RAD51B: variants seen among roughly 807,000 people sequenced by gnomAD.
RAD51B encodes RAD51 paralog B, also known as DNA repair protein RAD51 homolog 2.
RAD51B carries 38 observed loss-of-function variants against 42.2 expected under a neutral mutation model. That is an observed-to-expected ratio of 0.90 (90% CI 0.70 to 1.18). RAD51B has a LOEUF of 1.18. Ranked by LOEUF, RAD51B falls within the 50% of genes most tolerant of loss-of-function variation. The pLI is 0.00. For missense variants in RAD51B, 373 were observed against 400.7 expected, an observed-to-expected ratio of 0.93 and a Z score of 0.59; for synonymous variants, 154 against 145.2, an observed-to-expected ratio of 1.06 and a Z score of -0.43.
At chr14:68,106,962 C>T (rs1460745235) in intron 7 of RAD51B, among the ~76,000 whole-genome samples, 1 of 151,818 alleles carries the variant, frequency 6.6e-6, no homozygotes, top group Admixed American at 6.6e-5. Context: ...GATGAGAAAA[C>T]TGAGGCTACA....
intron 9 of RAD51B, among the ~76,000 whole-genome samples, chr14:68,442,719 A>G (rs368480771): frequency 5.9e-4 from 89 of 152,068 alleles, no homozygotes; most frequent in African/African-American, 1.7e-3. Flanking sequence ...GATTACAGGC[A>G]TGAGCCACTA....
intron 8 of RAD51B, among the ~76,000 whole-genome samples, chr14:68,299,987 A>G (rs2081693189): frequency 6.6e-6 from 1 of 152,190 alleles, no homozygotes; most frequent in Non-Finnish European, 1.5e-5. Context: ...TTCAGCCATA[A>G]CAGTAAAGAA....
intron 7 of RAD51B, among the ~76,000 whole-genome samples, chr14:67,960,567 A>G (rs943672618): frequency 6.6e-6 from 1 of 152,244 alleles, no homozygotes; most frequent in Non-Finnish European, 1.5e-5. Context: ...CAGTGTATCT[A>G]GGATAAAATA....
rs193290237 is a variant in RAD51B, at chr14:67,885,860, C to A, written c.453-9C>A. ...CTGTTTTCGTTTGTGCTATTTTTTT[C>A]ACCCACAGACTGGTTGAAATAGCAG... On this transcript the variant is annotated splice_polypyrimidine_tract_variant and intron_variant, in intron 5 of 10. Transcript: ENST00000471583. 1.3e-6 allele frequency: 2 copies of A among 1,576,504 alleles called. No homozygotes were observed. Among genetic ancestry groups the A allele is most frequent in the South Asian group, 2.3e-5 (2 of 85,622 alleles).
chr14:68,083,205 G>C (rs992197302), intron 7 of RAD51B, among the ~76,000 whole-genome samples: 2 of 152,188 alleles, frequency 1.3e-5, no homozygotes, highest in African/African-American at 4.8e-5. Flanking sequence ...AGAGTGAGAG[G>C]AGTAGAGATT....
At chr14:68,419,843 C>T (rs533163192) in intron 9 of RAD51B, among the ~76,000 whole-genome samples, 1 of 152,298 alleles carries the variant, frequency 6.6e-6, no homozygotes, top group East Asian at 1.9e-4. Context: ...GGGCAGGCAG[C>T]AGCCTGTGTG....
chr14:68,619,655 G>T (rs751276684), intron 10 of RAD51B, among the ~76,000 whole-genome samples: 3 of 152,064 alleles, frequency 2.0e-5, no homozygotes, highest in Non-Finnish European at 4.4e-5. Flanking sequence ...TGAGCAGGAG[G>T]AGTCAAAGAG....
At chr14:68,310,195 C>T (rs1318008231) in intron 8 of RAD51B, among the ~76,000 whole-genome samples, 2 of 152,138 alleles carry the variant, frequency 1.3e-5, no homozygotes, top group Admixed American at 6.5e-5. Context: ...GCCCACCTCT[C>T]TCCTGTGTAA....
chr14:68,540,329 C>A, intron 10 of RAD51B: 1 of 1,050,062 alleles, frequency 9.5e-7, no homozygotes, highest in Non-Finnish European at 1.1e-6. Flanking sequence ...ATCATCAGAC[C>A]TCTTCTAGCT....
At chr14:68,350,818 A>T (rs1280448779) in intron 8 of RAD51B, among the ~76,000 whole-genome samples, 1 of 152,170 alleles carries the variant, frequency 6.6e-6, no homozygotes, top group African/African-American at 2.4e-5. Context: ...ACCATTTTAG[A>T]TAGTGGGATA....
At chr14:68,584,767 A>T (rs571018546) in intron 10 of RAD51B, among the ~76,000 whole-genome samples, 1 of 152,298 alleles carries the variant, frequency 6.6e-6, no homozygotes, top group South Asian at 2.1e-4. Flanking sequence ...CCCATGAATT[A>T]TGTTCATGTT....
intron 11 of RAD51B, among the ~76,000 whole-genome samples, chr14:68,666,283 T>C (rs1466212483): frequency 2.6e-5 from 4 of 152,248 alleles, no homozygotes; most frequent in East Asian, 1.9e-4. Flanking sequence ...CTGGATCTTT[T>C]TGTTGCATGG....
chr14:68,144,975 A>G (rs1444261996), intron 7 of RAD51B, among the ~76,000 whole-genome samples: 1 of 152,044 alleles, frequency 6.6e-6, no homozygotes, highest in Non-Finnish European at 1.5e-5. Context: ...GCTTGGCTAT[A>G]TTGTTTCAAA....
chr14:68,371,059 A>G (rs1215841534), intron 8 of RAD51B, among the ~76,000 whole-genome samples: 4 of 144,478 alleles, frequency 2.8e-5, no homozygotes, highest in African/African-American at 5.1e-5. Context: ...AAAAAAAGAA[A>G]AAAAGAAAAG....
intron 10 of RAD51B, among the ~76,000 whole-genome samples, chr14:68,582,254 A>G (rs1340012767): frequency 1.3e-5 from 2 of 152,220 alleles, no homozygotes; most frequent in Non-Finnish European, 2.9e-5. Flanking sequence ...TTTACAATCT[A>G]TCCATCTGAC....
intron 10 of RAD51B, among the ~76,000 whole-genome samples, chr14:68,626,195 G>A (rs888142028): frequency 5.9e-5 from 9 of 152,210 alleles, no homozygotes; most frequent in African/African-American, 7.2e-5. Flanking sequence ...CACAGTTAGT[G>A]AGCAGTGCAA....
At chr14:67,970,045 A>C (rs78239249) in intron 7 of RAD51B, among the ~76,000 whole-genome samples, 522 of 152,282 alleles carry the variant, frequency 3.4e-3, no homozygotes, top group Admixed American at 5.6e-3. Flanking sequence ...GGAATCAGGG[A>C]ATTAGTCCTA....
At chr14:68,597,013 CTTG>C (rs556964553), downstream of RAD51B, among the ~76,000 whole-genome samples, 230 of 152,330 alleles carry the variant, frequency 1.5e-3, no homozygotes, top group African/African-American at 5.3e-3. Context: ...AATTCGTTCC[CTTG>C]TTGTATTGGA....
At chr14:67,921,174 T>C (rs2044309635) in intron 7 of RAD51B, among the ~76,000 whole-genome samples, 1 of 152,074 alleles carries the variant, frequency 6.6e-6, no homozygotes, top group African/African-American at 2.4e-5. Flanking sequence ...ACCTGGAAAA[T>C]CAGAGTCCTT....
Sources: gnomAD v4.1 joint callset for allele counts (sites outside exome capture counted in the v4.1 genomes callset) on GRCh38, gnomAD v4.1.1 for gene constraint, MANE v1.5 for transcripts, NCBI Gene and HGNC (gene_info 2026-07-23, HGNC 2026-07-21) for gene names.